Variants in RALYL observed in about 807,000 individuals in gnomAD.
RALYL encodes RNA-binding Raly-like protein.
Under a neutral mutation model 35.1 loss-of-function variants are expected in RALYL, and 29 were observed. That is an observed-to-expected ratio of 0.83 (90% CI 0.61 to 1.13). RALYL has a LOEUF of 1.13. Ranked by LOEUF, RALYL falls within the 50% of genes most tolerant of loss-of-function variation. The probability of loss-of-function intolerance (pLI) is 0.00; values close to 1 mark genes in which losing one functional copy is unlikely to be tolerated. For missense variants in RALYL, 359 were observed against 360.4 expected (o/e 1.00, Z 0.03); for synonymous variants, 120 against 127.6 (o/e 0.94, Z 0.40).
chr8:84,302,924 G>A (rs150067008), intron 1 of RALYL, among the ~76,000 whole-genome samples: 3 of 152,212 alleles, frequency 2.0e-5, no homozygotes, highest in Non-Finnish European at 1.5e-5. Flanking sequence ...AGGACTTGCA[G>A]AAATAGTTGG....
At chr8:84,275,056 G>A (rs978546398) in intron 1 of RALYL, among the ~76,000 whole-genome samples, 1 of 152,116 alleles carries the variant, frequency 6.6e-6, no homozygotes, top group Non-Finnish European at 1.5e-5. Context: ...CCAGCATGTA[G>A]TGCAATACAC....
chr8:84,454,172 T>A lies in RALYL; in HGVS notation c.-23-75127T>A, dbSNP rs140155941. 5.2e-3 allele frequency among the ~76,000 whole-genome samples: 786 copies of A among 152,122 alleles called. 3 individuals are homozygous for A. Among genetic ancestry groups the A allele is most frequent in the African/African-American group, 0.018 (757 of 41,544 alleles). The stretch of plus-strand genomic sequence containing the variant: ...GCATCAGCAAGGAAGAGATAGATTA[T>A]CTTTCAGGTAGGGCAGAGAGCATGG... On this transcript the variant is annotated intron_variant, in intron 1 of 8. Transcript: ENST00000521268.
At chr8:84,527,634 G>T (rs2058996861) in intron 1 of RALYL, among the ~76,000 whole-genome samples, 1 of 151,988 alleles carries the variant, frequency 6.6e-6, no homozygotes, top group South Asian at 2.1e-4. Flanking sequence ...GATTTTTCTT[G>T]TTTCATTAAT....
intron 2 of RALYL, among the ~76,000 whole-genome samples, chr8:84,570,197 A>G (rs1367325150): frequency 6.6e-6 from 1 of 151,908 alleles, no homozygotes; most frequent in East Asian, 1.9e-4. Context: ...TTTTAACAAT[A>G]TTGATACTTT....
At chr8:84,556,993 T>G (rs953589857) in intron 2 of RALYL, among the ~76,000 whole-genome samples, 2 of 152,238 alleles carry the variant, frequency 1.3e-5, no homozygotes, top group African/African-American at 4.8e-5. Flanking sequence ...CTAAATAATA[T>G]GCTTTTCAAG....
chr8:84,467,094 C>A (rs1033002590), intron 1 of RALYL, among the ~76,000 whole-genome samples: 1 of 151,984 alleles, frequency 6.6e-6, no homozygotes, highest in African/African-American at 2.4e-5. Flanking sequence ...AAAAAACCAG[C>A]TCCTGGATTC....
intron 4 of RALYL, 29 bp from the exon 5 acceptor site, chr8:84,849,951 C>G: frequency 1.5e-6 from 2 of 1,310,858 alleles, no homozygotes; most frequent in Non-Finnish European, 1.0e-6. Context: ...GAAACAAATG[C>G]CAACTAATTT....
At chr8:84,224,984 C>T (rs77334507) in intron 1 of RALYL, among the ~76,000 whole-genome samples, 2,826 of 152,242 alleles carry the variant, frequency 0.019, 96 homozygotes, top group African/African-American at 0.064. Flanking sequence ...AACACTTAAG[C>T]ACATGTTGAA....
rs937506760 is a variant in RALYL, at chr8:84,251,537, T to C, written c.-24+67113T>C. On this transcript the variant is annotated intron_variant, in intron 1 of 8. Transcript: ENST00000521268. ...TTTAGAGTCTAGAGTCTATTTAGAC[T>C]GATACTAAACAAACACACCCATTAA... Among the ~76,000 whole-genome samples the C allele has an allele frequency of 8.5e-5, 13 of 152,120 alleles. 1 individual carries two copies. The highest frequency in any genetic ancestry group is 3.1e-4 in the African/African-American group (13 of 41,450).
intron 1 of RALYL, among the ~76,000 whole-genome samples, chr8:84,228,072 G>A (rs899219182): frequency 6.7e-6 from 1 of 150,130 alleles, no homozygotes; most frequent in African/African-American, 2.4e-5. Flanking sequence ...GAATTGAAGA[G>A]ATACTCCCCT....
chr8:84,471,196 A>C (rs899867030), intron 1 of RALYL, among the ~76,000 whole-genome samples: 1 of 152,188 alleles, frequency 6.6e-6, no homozygotes, highest in Admixed American at 6.5e-5. Context: ...AAATATATTG[A>C]ACTAATATAT....
chr8:84,769,007 G>T (rs1017542615), intron 2 of RALYL, among the ~76,000 whole-genome samples: 16 of 152,076 alleles, frequency 1.1e-4, no homozygotes, highest in African/African-American at 3.6e-4. Flanking sequence ...ACAATATTTT[G>T]TCAATAAACT....
At chr8:84,395,780 T>G (rs962986609) in intron 1 of RALYL, among the ~76,000 whole-genome samples, 1 of 151,868 alleles carries the variant, frequency 6.6e-6, no homozygotes, top group Admixed American at 6.6e-5. Flanking sequence ...AAATAATCTT[T>G]GGTAAAATCT....
At position 84,438,706 on chromosome 8, in the gene RALYL, A is replaced by T. The variant is rs541219788; in HGVS notation, c.-23-90593A>T. On this transcript the variant is annotated intron_variant, in intron 1 of 8. Transcript: ENST00000521268. ...CGTACCCAGCCCTTCTAGGATTCTT[A>T]TAGTTTGCGGTCTTATATTTAAATA... Among the ~76,000 whole-genome samples, 5 of 152,090 alleles carry T rather than the reference A, an allele frequency of 3.3e-5. No homozygotes were observed. The South Asian group carries it at 1.0e-3, about 32-fold the overall frequency.
intron 2 of RALYL, among the ~76,000 whole-genome samples, chr8:84,764,717 A>G (rs1265925362): frequency 6.6e-6 from 1 of 152,206 alleles, no homozygotes; most frequent in African/African-American, 2.4e-5. Context: ...TTATGAAACT[A>G]GGTCCAAAGG....
intron 1 of RALYL, among the ~76,000 whole-genome samples, chr8:84,188,709 C>T (rs1461802954): frequency 3.3e-5 from 5 of 152,080 alleles, no homozygotes; most frequent in Non-Finnish European, 7.4e-5. Context: ...ATCACCCTTC[C>T]TTTTATTATT....
chr8:84,674,088 A>T (rs1030128605), intron 2 of RALYL, among the ~76,000 whole-genome samples: 21 of 151,938 alleles, frequency 1.4e-4, no homozygotes, highest in African/African-American at 4.8e-4. Flanking sequence ...GAGATCTTTC[A>T]CTTTCCTAAT....
intron 1 of RALYL, among the ~76,000 whole-genome samples, chr8:84,275,687 C>A (rs2132007958): frequency 6.6e-6 from 1 of 152,104 alleles, no homozygotes; most frequent in East Asian, 1.9e-4. Flanking sequence ...TCTCAATATG[C>A]CAGCCTGCCC....
At chr8:84,545,526 T>C (rs751194360) in intron 2 of RALYL, among the ~76,000 whole-genome samples, 7 of 152,206 alleles carry the variant, frequency 4.6e-5, no homozygotes, top group Non-Finnish European at 7.4e-5. Flanking sequence ...CTTTGTGATA[T>C]TGGAACTCTG....
Sources: allele counts gnomAD v4.1 joint callset (sites outside exome capture counted in the v4.1 genomes callset), GRCh38; gene constraint gnomAD v4.1.1; transcripts MANE v1.5; gene names NCBI Gene and HGNC (gene_info 2026-07-23, HGNC 2026-07-21).